The following PTK2 variants were observed in gnomAD, a reference collection of about 807,000 sequenced individuals.
The protein encoded by PTK2 is focal adhesion kinase 1.
In PTK2, 45 loss-of-function variants were observed where a neutral mutation model predicts 150.1. The ratio of observed to expected loss-of-function variants is 0.30; its 90% CI spans 0.24 to 0.38. The LOEUF (loss-of-function observed/expected upper bound fraction) is 0.38. PTK2 is among the 10% of genes least tolerant of loss of function. The pLI is 1.00. For missense variants in PTK2, 919 were observed against 1,307.3 expected (o/e 0.70, Z 4.58); for synonymous variants, 432 against 449.2 (o/e 0.96, Z 0.48).
chr8:140,793,221 C>T, intron 13 of PTK2, 133 bp downstream of exon 13: 2 of 981,678 alleles, frequency 2.0e-6, no homozygotes, highest in Non-Finnish European at 2.9e-6. Context: ...TGATTTCTTT[C>T]TAGAATTGTT....
At chr8:140,996,008 C>G (rs2100197587) in intron 1 of PTK2, among the ~76,000 whole-genome samples, 1 of 152,022 alleles carries the variant, frequency 6.6e-6, no homozygotes, top group African/African-American at 2.4e-5. Context: ...CCACTTCAAC[C>G]CGTGAGGCGG....
At chr8:140,905,111 G>C (rs1157743352) in intron 2 of PTK2, among the ~76,000 whole-genome samples, 1 of 152,050 alleles carries the variant, frequency 6.6e-6, no homozygotes, top group Non-Finnish European at 1.5e-5. Flanking sequence ...GATCTTTCCT[G>C]CTTTCTCTTA....
rs116757359 is a variant in PTK2, at chr8:140,793,786, C to A, written c.1094-402G>T. Among the ~76,000 whole-genome samples, 681 of 152,296 alleles carry A rather than the reference C, an allele frequency of 4.5e-3. 4 individuals carry two copies. The highest frequency in any genetic ancestry group is 0.015 in the African/African-American group (644 of 41,568). ...AACCTGTGCAGGAAGCACAGAGAAACAGAAGGAAAACAATTCTACAGGTGT... is the reference window on the plus strand; with the variant it reads ...AACCTGTGCAGGAAGCACAGAGAAAAAGAAGGAAAACAATTCTACAGGTGT... On this transcript the variant is annotated intron_variant, in intron 12 of 31. Coordinates refer to ENST00000522684, the Ensembl canonical transcript of PTK2.
chr8:140,969,374 T>C (rs542619708), intron 1 of PTK2, among the ~76,000 whole-genome samples: 1 of 152,302 alleles, frequency 6.6e-6, no homozygotes, highest in East Asian at 1.9e-4. Context: ...AATAATCCTA[T>C]AAACAAGCAC....
At chr8:140,672,797 G>A (rs779713676) in intron 29 of PTK2, among the ~76,000 whole-genome samples, 2 of 152,220 alleles carry the variant, frequency 1.3e-5, no homozygotes, top group Non-Finnish European at 2.9e-5. Flanking sequence ...TTCAGCTTTG[G>A]AGGCGAGTGC....
chr8:140,873,012 T>C (rs181254911), intron 4 of PTK2, among the ~76,000 whole-genome samples: 1 of 152,360 alleles, frequency 6.6e-6, no homozygotes, highest in Admixed American at 6.5e-5. Context: ...TTTCAACTTG[T>C]GTGACATTCT....
chr8:140,887,588 T>C (rs1568214909), intron 3 of PTK2, among the ~76,000 whole-genome samples: 1 of 152,230 alleles, frequency 6.6e-6, no homozygotes, highest in Non-Finnish European at 1.5e-5. Flanking sequence ...TTTTGTTTTT[T>C]CTGAACCAAG....
At position 140,728,581 on chromosome 8, in the gene PTK2, C is replaced by T. The variant is rs977300810; in HGVS notation, c.2030+6670G>A. 7.9e-5 allele frequency among the ~76,000 whole-genome samples: 12 copies of T among 152,176 alleles called. 1 individual carries two copies. Among genetic ancestry groups the T allele is most frequent in the South Asian group, 6.2e-4 (3 of 4,826 alleles). On this transcript the variant is annotated intron_variant, in intron 22 of 31. Transcript: ENST00000522684. The stretch of plus-strand genomic sequence containing the variant: ...TTACCCAGGCTGGAGTGCAGTGGCA[C>T]GATCTCGGCTCACTGCAACCTCTGC...
At chr8:140,848,662 A>T (rs2100127179) in intron 5 of PTK2, among the ~76,000 whole-genome samples, 1 of 152,220 alleles carries the variant, frequency 6.6e-6, no homozygotes, top group Non-Finnish European at 1.5e-5. Context: ...ACTTCTACAA[A>T]TAGTAGAAGC....
intron 4 of PTK2, among the ~76,000 whole-genome samples, chr8:140,868,683 G>A (rs2100140806): frequency 6.6e-6 from 1 of 152,062 alleles, no homozygotes; most frequent in Non-Finnish European, 1.5e-5. Flanking sequence ...TGCCAAAAAC[G>A]CAAAACCTTA....
rs904789051 is a variant in PTK2, at chr8:140,861,658, T to C, written c.450+2654A>G. ...CAATTATATGGCAGACAATTTTATC[T>C]CATATAATGAACTTAACAGTCCTAT... On this transcript the variant is annotated intron_variant, in intron 5 of 31. Transcript: ENST00000522684. Among the ~76,000 whole-genome samples, 16 of 152,230 alleles carry C rather than the reference T, an allele frequency of 1.1e-4. 1 individual carries two copies. Among genetic ancestry groups the C allele is most frequent in the Admixed American group, 4.6e-4 (7 of 15,288 alleles).
intron 8 of PTK2, 47 bp downstream of exon 8, chr8:140,830,424 CT>C (rs2100114696): frequency 7.9e-7 from 1 of 1,266,388 alleles, no homozygotes; most frequent in South Asian, 1.5e-5. Context: ...GGGAAAAGGT[CT>C]TGGCATAATT....
At chr8:140,839,385 G>C (rs1288129838) in intron 7 of PTK2, among the ~76,000 whole-genome samples, 2 of 152,178 alleles carry the variant, frequency 1.3e-5, no homozygotes, top group Non-Finnish European at 2.9e-5. Context: ...TTGGTGGCCT[G>C]AGTGAGAGTC....
chr8:140,792,821 G>A (rs1213974806), intron 13 of PTK2, among the ~76,000 whole-genome samples: 1 of 152,184 alleles, frequency 6.6e-6, no homozygotes, highest in African/African-American at 2.4e-5. Flanking sequence ...ATAACTGTGT[G>A]TTTACCTATG....
Position 140,935,347 on chromosome 8 carries a change from C to T in PTK2, c.-121-9598G>A, listed in dbSNP as rs998089363. On this transcript the variant is annotated intron_variant, in intron 1 of 31. Coordinates refer to ENST00000522684, the Ensembl canonical transcript of PTK2. ...AGGATTACAATTCACTGAAGGCAAG[C>T]ACCCCAGGTCCAGAGGTAAGCACCT... Among the ~76,000 whole-genome samples, 17 of 152,108 alleles carry T rather than the reference C, an allele frequency of 1.1e-4. 2 individuals carry two copies. The highest frequency in any genetic ancestry group is 1.0e-3 in the Admixed American group (16 of 15,272).
chr8:140,832,903 A>G (rs1310325133), intron 7 of PTK2: 1 of 518,922 alleles, frequency 1.9e-6, no homozygotes, highest in Non-Finnish European at 3.8e-6. Flanking sequence ...ACACGTCAGT[A>G]TTTGGGTGAG....
chr8:140,814,363 T>C (rs1027130107), intron 10 of PTK2, among the ~76,000 whole-genome samples: 5 of 152,180 alleles, frequency 3.3e-5, no homozygotes, highest in African/African-American at 1.2e-4. Flanking sequence ...ATAGAAAATG[T>C]CAGGCCAATA....
chr8:140,875,601 TGGC>T, intron 4 of PTK2, among the ~76,000 whole-genome samples: 1 of 152,330 alleles, frequency 6.6e-6, no homozygotes, highest in East Asian at 1.9e-4. Flanking sequence ...TATAATTGGA[TGGC>T]TTACATTCTA....
chr8:140,744,537 CTG>C, intron 19 of PTK2, 113 bp downstream of exon 22: 1 of 524,778 alleles, frequency 1.9e-6, no homozygotes, highest in Non-Finnish European at 3.4e-6. Context: ...TGGTACAAAA[CTG>C]TACCAAAGGG....
Sources: gnomAD v4.1 joint callset for allele counts (sites outside exome capture counted in the v4.1 genomes callset) on GRCh38, gnomAD v4.1.1 for gene constraint, MANE v1.5 for transcripts, NCBI Gene and HGNC (gene_info 2026-07-23, HGNC 2026-07-21) for gene names.